PKHD1: variants seen among roughly 807,000 people sequenced by gnomAD.
The protein encoded by PKHD1 is PKHD1 ciliary IPT domain containing fibrocystin/polyductin.
PKHD1 carries 291 observed loss-of-function variants against 412.0 expected under a neutral mutation model. The observed-to-expected ratio is 0.71, with a 90% CI of 0.64 to 0.78. The LOEUF (loss-of-function observed/expected upper bound fraction) is 0.78, where lower values mean the gene tolerates loss of function less well. PKHD1 is among the 30% of genes least tolerant of loss of function. The probability of loss-of-function intolerance (pLI) is 0.00; values close to 1 mark genes in which losing one functional copy is unlikely to be tolerated. For synonymous variants in PKHD1, 1,777 were observed against 1,821.5 expected (o/e 0.98, Z 0.62); for missense variants, 4,825 against 4,950.7 (o/e 0.97, Z 0.76).
At chr6:52,027,297 C>T (rs1488311160) in intron 31 of PKHD1, among the ~76,000 whole-genome samples, 1 of 151,196 alleles carries the variant, frequency 6.6e-6, no homozygotes, top group Admixed American at 6.6e-5. Flanking sequence ...TTTAGGAGGC[C>T]GAGGTGGGCA....
At chr6:52,064,190 G>A (rs532505298) in intron 13 of PKHD1, among the ~76,000 whole-genome samples, 119 of 152,272 alleles carry the variant, frequency 7.8e-4, no homozygotes, top group African/African-American at 2.5e-3. Flanking sequence ...GTTGACTCTC[G>A]CTGCCTGTAG....
At chr6:52,033,562 G>A (rs1803418849) in intron 28 of PKHD1, among the ~76,000 whole-genome samples, 3 of 151,912 alleles carry the variant, frequency 2.0e-5, no homozygotes, top group South Asian at 2.1e-4. Flanking sequence ...TGAGAACTCA[G>A]AAAATTTCTC....
At chr6:51,835,750 T>C (rs1042838299) in intron 51 of PKHD1, among the ~76,000 whole-genome samples, 3 of 152,234 alleles carry the variant, frequency 2.0e-5, no homozygotes, top group African/African-American at 7.2e-5. Context: ...CATTTACCTA[T>C]TAATTTAAAC....
intron 60 of PKHD1, among the ~76,000 whole-genome samples, chr6:51,709,999 G>A (rs1020173628): frequency 1.3e-5 from 2 of 151,818 alleles, no homozygotes; most frequent in African/African-American, 2.4e-5. Flanking sequence ...ACCTGAAGTC[G>A]GGAGATCAAG....
intron 51 of PKHD1, among the ~76,000 whole-genome samples, chr6:51,835,172 G>GCTACTTATACTTATACTTATACTTATAC (rs1491401443): frequency 1.3e-5 from 2 of 152,120 alleles, no homozygotes; most frequent in African/African-American, 4.8e-5. Flanking sequence ...AGAATCCTTA[G>GCTACTTATACTTATACTTATACTTATAC]TACAGAAATC....
At chr6:52,040,474 A>G (rs1896990) in intron 27 of PKHD1, among the ~76,000 whole-genome samples, 126,569 of 151,914 alleles carry the variant, frequency 0.83, 54,539 homozygotes, top group Middle Eastern at 0.94. Context: ...ATGTCACTTC[A>G]CTTGAAATCC....
Position 52,043,089 on chromosome 6 carries a change from G to C in PKHD1, c.2867C>G (p.Ser956Cys), listed in dbSNP as rs1805184930. The C allele has an allele frequency of 6.2e-7, 1 of 1,613,458 alleles. No individual in the cohort carries two copies. The highest frequency in any genetic ancestry group is 8.5e-7 in the Non-Finnish European group (1 of 1,179,428). Residue 956 changes from serine to cysteine, a missense_variant, in exon 27 of 67, where the codon TCT becomes TGT. Transcript: ENST00000371117. Reference sequence around the variant, plus strand: ...AACCTGCAAGAACTGGGAGTCACCAGAGAAACCAGTTCCGGTAATGTAAAT... The same window carrying C: ...AACCTGCAAGAACTGGGAGTCACCACAGAAACCAGTTCCGGTAATGTAAAT... ...LMIYITGTGF[S>C]GDSQFLQVTV...
At chr6:51,937,871 G>A (rs6907923) in intron 36 of PKHD1, among the ~76,000 whole-genome samples, 53,970 of 151,948 alleles carry the variant, frequency 0.36, 10,613 homozygotes, top group East Asian at 0.76. Context: ...CACCATCTTC[G>A]CTTCCTCCAT....
intron 35 of PKHD1, among the ~76,000 whole-genome samples, chr6:51,961,998 T>G (rs1792115696): frequency 2.0e-5 from 3 of 152,130 alleles, no homozygotes; most frequent in Admixed American, 1.3e-4. Flanking sequence ...AGATGACACT[T>G]CTGCATCAAA....
intron 43 of PKHD1, among the ~76,000 whole-genome samples, chr6:51,903,318 C>T (rs1781557773): frequency 6.6e-6 from 1 of 152,216 alleles, no homozygotes; most frequent in Admixed American, 6.5e-5. Flanking sequence ...GCTTGTCCAA[C>T]TGGCAGCCCA....
At chr6:51,709,937 G>A (rs1354011179) in intron 60 of PKHD1, among the ~76,000 whole-genome samples, 1 of 151,096 alleles carries the variant, frequency 6.6e-6, no homozygotes, top group East Asian at 1.9e-4. Flanking sequence ...GGCTGGGCAC[G>A]GTGGCTCATG....
At chr6:51,742,084 T>A (rs949638179) in intron 60 of PKHD1, among the ~76,000 whole-genome samples, 2 of 152,104 alleles carry the variant, frequency 1.3e-5, no homozygotes, top group Non-Finnish European at 2.9e-5. Flanking sequence ...GATCTAGGGG[T>A]AAATAGGAGG....
chr6:52,029,880 G>T (rs1028410106), intron 29 of PKHD1, among the ~76,000 whole-genome samples: 5 of 152,222 alleles, frequency 3.3e-5, no homozygotes, highest in Non-Finnish European at 7.3e-5. Context: ...GCAAGGAAAA[G>T]ATATGATTAA....
intron 54 of PKHD1, among the ~76,000 whole-genome samples, chr6:51,773,171 G>A (rs1790435866): frequency 6.6e-6 from 1 of 151,728 alleles, no homozygotes; most frequent in Non-Finnish European, 1.5e-5. Flanking sequence ...TACACACTAG[G>A]TTCTCCAAAA....
At chr6:51,658,177 T>C (rs947869473) in intron 61 of PKHD1, among the ~76,000 whole-genome samples, 1 of 152,160 alleles carries the variant, frequency 6.6e-6, no homozygotes, top group Non-Finnish European at 1.5e-5. Flanking sequence ...AAATTTTGAA[T>C]AATAATAAGC....
intron 55 of PKHD1, among the ~76,000 whole-genome samples, chr6:51,769,811 TATA>T (rs1261625074): frequency 6.6e-6 from 1 of 151,772 alleles, no homozygotes; most frequent in East Asian, 1.9e-4. Context: ...TGACATGTTC[TATA>T]ATATCTCGTA....
At chr6:51,975,033 A>G (rs1228107152) in intron 35 of PKHD1, among the ~76,000 whole-genome samples, 2 of 152,046 alleles carry the variant, frequency 1.3e-5, no homozygotes, top group African/African-American at 4.8e-5. Flanking sequence ...GAGAAAATAA[A>G]TTTCTATTAT....
intron 60 of PKHD1, among the ~76,000 whole-genome samples, chr6:51,660,936 G>C (rs1772749308): frequency 6.6e-6 from 1 of 152,162 alleles, no homozygotes; most frequent in Non-Finnish European, 1.5e-5. Flanking sequence ...GGGATGGTGA[G>C]GAGATGAGGC....
In PKHD1 at chr6:51,903,547, A is replaced by G. The variant is rs763076241; in HGVS notation, c.6996+50T>C. ...GTTGGACACCCCTGATTGAGAAAGA[A>G]CTTTATGCCCTCTCAGTTCTGGTCT... On this transcript the variant is annotated intron_variant, in intron 43 of 66. Transcript: ENST00000371117. The G allele has an allele frequency of 1.9e-6, 3 of 1,571,782 alleles. No individual in the cohort carries two copies. The African/African-American group carries it at 4.1e-5, about 21-fold the overall frequency.
Sources: gnomAD v4.1 joint callset for allele counts (sites outside exome capture counted in the v4.1 genomes callset) on GRCh38, gnomAD v4.1.1 for gene constraint, MANE v1.5 for transcripts, NCBI Gene and HGNC (gene_info 2026-07-23, HGNC 2026-07-21) for gene names.